Variants in PHF1 observed in about 807,000 individuals in gnomAD.
PHF1 encodes PHD finger protein 1, also known as polycomb-like 1.
A neutral mutation model predicts 69.4 loss-of-function variants in PHF1; 16 were observed. The ratio of observed to expected loss-of-function variants is 0.23; its 90% CI spans 0.16 to 0.35. The LOEUF (loss-of-function observed/expected upper bound fraction) is 0.35, where lower values mean the gene tolerates loss of function less well. Ranked by LOEUF, PHF1 falls within the 10% of genes least tolerant of loss-of-function variation. The pLI is 1.00. For missense variants in PHF1, 515 were observed against 732.8 expected (o/e 0.70, Z 3.43); for synonymous variants, 274 against 275.0 (o/e 1.00, Z 0.04).
chr6:33,412,330 C>T lies in PHF1; in HGVS notation c.67C>T (p.Pro23Ser). The change falls in exon 2 of 15, where the codon CCC (proline) becomes TCC (serine). Residue 23 changes from proline (P) to serine (S), a missense_variant. Physicochemically the swap from Pro to Ser is moderately conservative, Grantham distance 74 (BLOSUM62 -1). Around this residue, in one of 5 missense-constraint regions of PHF1, gnomAD observed 52 missense variants for 48.2 expected, o/e 1.08. Transcript: ENST00000374516. The surrounding 1 kb of genome is among the most constrained non-coding windows in gnomAD (Gnocchi z 4.2). ...ACTTTGGGACCCAGCTTCTCCTGCT[C>T]CCACCTCTGGCCCCAGGCCTCGGCT... is the stretch of plus-strand genomic sequence containing the variant. Reference protein sequence around the residue: ...SSLWDPASPAPTSGPRPRLWE... With the variant: ...SSLWDPASPASTSGPRPRLWE... The T allele has an allele frequency of 6.2e-7, 1 of 1,614,224 alleles. No individual in the cohort carries two copies. Among genetic ancestry groups the T allele is most frequent in the Non-Finnish European group, 8.5e-7 (1 of 1,180,020 alleles).
chr6:33,413,853 T>TA (rs1776250985), intron 7 of PHF1, 22 bp downstream of exon 7: 6 of 1,603,098 alleles, frequency 3.7e-6, no homozygotes, highest in Non-Finnish European at 4.3e-6. Flanking sequence ...GCAGACTCTC[T>TA]AGGAGCCAAG....
At position 33,412,017 on chromosome 6, in the gene PHF1, C is replaced by G. The variant is rs971417387; in HGVS notation, c.-16-231C>G. Among the ~76,000 whole-genome samples the G allele has an allele frequency of 3.9e-5, 6 of 152,110 alleles. No individual in the cohort carries two copies. The highest frequency in any genetic ancestry group is 8.8e-5 in the Non-Finnish European group (6 of 68,012). ...TCTCTACTAAAAATACAAAAATTAG[C>G]CAGGCATGGTGGCATGCGCCTGTAA... On this transcript the variant is annotated intron_variant, in intron 1 of 14. Coordinates refer to ENST00000374516, the MANE Select transcript of PHF1 (RefSeq NM_024165.3). This position sits in a 1 kb window ranked among gnomAD's most constrained non-coding sequence, Gnocchi z 4.2.
At chr6:33,413,984 A>G in intron 7 of PHF1, 57 bp from the exon 8 acceptor site, 1 of 1,606,110 alleles carries the variant, frequency 6.2e-7, no homozygotes, top group African/African-American at 1.3e-5. Flanking sequence ...TGAGTCTTCC[A>G]GGGGATGGCA....
At position 33,414,445 on chromosome 6, in the gene PHF1, C is replaced by T. The variant is rs1776288042; in HGVS notation, c.877-32C>T. On this transcript the variant is annotated intron_variant, in intron 9 of 14. Transcript: ENST00000374516. This position sits in a 1 kb window ranked among gnomAD's most constrained non-coding sequence, Gnocchi z 5.0. ...AAGGGGAAGAGAAGAAATCACTGCTCCCCTGGCCCCATTTTTCTTCATTTC... is the reference window on the plus strand; with the variant it reads ...AAGGGGAAGAGAAGAAATCACTGCTTCCCTGGCCCCATTTTTCTTCATTTC... 1 of 1,613,604 alleles carries T rather than the reference C, an allele frequency of 6.2e-7. No homozygotes were observed. Among genetic ancestry groups the T allele is most frequent in the East Asian group, 2.2e-5 (1 of 44,864 alleles).
At position 33,412,910 on chromosome 6, in the gene PHF1, A is replaced by T; in HGVS notation, c.337+117A>T. The T allele has an allele frequency of 1.1e-6, 1 of 872,870 alleles. No homozygotes were observed. The highest frequency in any genetic ancestry group is 2.5e-5 in the East Asian group (1 of 39,854). 54.1% of individuals were successfully genotyped at this position (872,870 alleles called of 1,614,324 possible). ...TGCTCTGGCCAGGCTGCTTAGCCTT[A>T]TCTTAGTCCTCATCCGCTTTCAGCC... On this transcript the variant is annotated intron_variant, in intron 4 of 14. Coordinates refer to ENST00000374516, the MANE Select transcript of PHF1 (RefSeq NM_024165.3). The surrounding 1 kb of genome is among the most constrained non-coding windows in gnomAD (Gnocchi z 4.2).
chr6:33,412,450 C>T lies in PHF1; in HGVS notation c.159+28C>T. The T allele has an allele frequency of 6.2e-7, 1 of 1,614,176 alleles. No homozygotes were observed. Among genetic ancestry groups the T allele is most frequent in the Non-Finnish European group, 8.5e-7 (1 of 1,179,990 alleles). Reference sequence around the variant, plus strand: ...AAGACCTTCTACCTCTGACCTTCTTCCTAGTTCCCTTATCTAATTCTGGTT... The same window carrying T: ...AAGACCTTCTACCTCTGACCTTCTTTCTAGTTCCCTTATCTAATTCTGGTT... On this transcript the variant is annotated intron_variant, in intron 2 of 14. Transcript: ENST00000374516. This position sits in a 1 kb window ranked among gnomAD's most constrained non-coding sequence, Gnocchi z 4.2.
chr6:33,410,508 G>C (rs1775928173), upstream of PHF1: 1 of 92,634 alleles, frequency 1.1e-5, no homozygotes, highest in African/African-American at 4.2e-5. Flanking sequence ...CCTCCCAGGT[G>C]CCGCGCGCAG....
rs766728612 is a variant in PHF1, at chr6:33,414,095, A to G, written c.738A>G (p.Arg246=). 4 of 1,614,132 alleles carry G rather than the reference A, an allele frequency of 2.5e-6. No homozygotes were observed. The highest frequency in any genetic ancestry group is 2.5e-6 in the Non-Finnish European group (3 of 1,180,030). Residue 246 remains arginine, a synonymous_variant, in exon 8 of 15, where the codon AGA becomes AGG. Coordinates refer to ENST00000374516, the MANE Select transcript of PHF1 (RefSeq NM_024165.3). The surrounding 1 kb of genome is among the most constrained non-coding windows in gnomAD (Gnocchi z 5.0). ...GCGGGGGCCCTGAGAAAGTCCGGAG[A>G]CTACAGCTTCGCTGGTGAGCTGGAT... ...VCRGGPEKVR[R]LQLRWVDVAH... is the part of the protein sequence containing the mutation.
chr6:33,413,822 A>G lies in PHF1; in HGVS notation c.674A>G (p.Tyr225Cys), dbSNP rs1226961547. 3.7e-6 allele frequency: 6 copies of G among 1,613,306 alleles called. No homozygotes were observed. In the African/African-American group the frequency reaches 6.7e-5, roughly 18 times the overall value. ...CTQCLSKPLL[Y>C]GDRFYEFECC... ...CAGTGTCTGAGCAAGCCCCTCCTCT[A>G]TGGGGACAGGTGAGACCAAGGCAGA... The change falls in exon 7 of 15, where the codon TAT becomes TGT. Residue 225 changes from tyrosine (Y) to cysteine (C), a missense_variant. This residue lies in a region of PHF1 where 142 missense variants were observed against 309.7 expected (regional missense o/e 0.46). Transcript: ENST00000374516.
Position 33,415,003 on chromosome 6 carries a change from G to A in PHF1, c.1098G>A (p.Gly366=). The A allele has an allele frequency of 1.9e-6, 3 of 1,561,454 alleles. No homozygotes were observed. The highest frequency in any genetic ancestry group is 2.6e-6 in the Non-Finnish European group (3 of 1,153,166). The change falls in exon 12 of 15, where the codon GGG becomes GGA. Residue 366 remains glycine (G), a synonymous_variant. Transcript: ENST00000374516. ...GPGGGVSRPL[G]KRRRPEPEPL... ...GGGGAGGGGTCTCACGTCCCCTGGG[G>A]AAGCGCCGGAGGCCGGAGCCAGAGC... is the stretch of plus-strand genomic sequence containing the variant.
At position 33,412,315 on chromosome 6, in the gene PHF1, C is replaced by T. The variant is rs371672794; in HGVS notation, c.52C>T (p.Pro18Ser). The change falls in exon 2 of 15, where the codon CCA becomes TCA. Residue 18 changes from proline to serine, a missense_variant. This residue lies in a region of PHF1 where 52 missense variants were observed against 48.2 expected (regional missense o/e 1.08). Coordinates refer to ENST00000374516, the MANE Select transcript of PHF1 (RefSeq NM_024165.3). This position sits in a 1 kb window ranked among gnomAD's most constrained non-coding sequence, Gnocchi z 4.2. ...CTCTGGTGCCTCCTCACTTTGGGAC[C>T]CAGCTTCTCCTGCTCCCACCTCTGG... ...SRSGASSLWD[P>S]ASPAPTSGPR... The T allele has an allele frequency of 2.5e-6, 4 of 1,614,092 alleles. No homozygotes were observed. The highest frequency in any genetic ancestry group is 3.4e-6 in the Non-Finnish European group (4 of 1,180,036).
rs202209041 is a variant in PHF1 at position 33,412,723 on chromosome 6, C to T, written c.267C>T (p.Leu89=). 5 of 1,614,176 alleles carry T rather than the reference C, an allele frequency of 3.1e-6. No homozygotes were observed. In the South Asian group the frequency reaches 3.3e-5, roughly 11 times the overall value. The change falls in exon 4 of 15, where the codon CTC becomes CTT. Residue 89 remains leucine, a synonymous_variant. Coordinates refer to ENST00000374516, the MANE Select transcript of PHF1 (RefSeq NM_024165.3). This position sits in a 1 kb window ranked among gnomAD's most constrained non-coding sequence, Gnocchi z 4.2. The part of the protein sequence containing the change: ...SPAALPGEEL[L]CCVCRSETVV... ...CTGCCCTCCCTGGAGAGGAACTCCT[C>T]TGTTGTGTCTGTCGCTCTGAGACTG...
rs1776189474 is a variant in PHF1 at position 33,412,958 on chromosome 6, G to C, written c.337+165G>C. On this transcript the variant is annotated intron_variant, in intron 4 of 14. Transcript: ENST00000374516. The surrounding 1 kb of genome is among the most constrained non-coding windows in gnomAD (Gnocchi z 4.2). ...GCCCAGGGAGAAGCAGCCATGGAAA[G>C]GGGTGGTATAACCTTTGCAGGCAGA... The C allele has an allele frequency of 1.4e-6, 1 of 701,418 alleles. No homozygotes were observed. The allele number at this position is 701,418 out of a possible 1,614,324, so 43.4% of individuals were successfully genotyped here.
chr6:33,415,950 G>A lies in PHF1; in HGVS notation c.1556G>A (p.Arg519His), dbSNP rs141510460. 1.1e-5 allele frequency: 18 copies of A among 1,613,942 alleles called. No homozygotes were observed. The highest frequency in any genetic ancestry group is 1.1e-4 in the African/African-American group (8 of 74,890). The part of the protein sequence containing the change: ...RRSAPPSPLC[R>H]SLSPGTGGGV... The stretch of plus-strand genomic sequence containing the variant: ...TCAGCACCCCCTTCTCCCCTGTGCC[G>A]TAGTTTGTCTCCTGGGACTGGGGGA... Residue 519 changes from arginine to histidine, a missense_variant, in exon 15 of 15, where the codon CGT (arginine) becomes CAT (histidine). Physicochemically the swap from Arg to His is conservative, Grantham distance 29. Coordinates refer to ENST00000374516, the MANE Select transcript of PHF1 (RefSeq NM_024165.3).
rs1554301706 is a variant in PHF1, at chr6:33,412,824, C to T, written c.337+31C>T. On this transcript the variant is annotated intron_variant, in intron 4 of 14. Coordinates refer to ENST00000374516, the MANE Select transcript of PHF1 (RefSeq NM_024165.3). This position sits in a 1 kb window ranked among gnomAD's most constrained non-coding sequence, Gnocchi z 4.2. ...AGGGCAGGTCACCTGAATGGTCCAG[C>T]TTGCTCTTCCCTCCAGGATGGTCTC... 1 of 1,568,026 alleles carries T rather than the reference C, an allele frequency of 6.4e-7. No homozygotes were observed. Among genetic ancestry groups the T allele is most frequent in the Non-Finnish European group, 8.8e-7 (1 of 1,138,512 alleles).
At position 33,412,179 on chromosome 6, in the gene PHF1, AAG is replaced by A; in HGVS notation, c.-16-67_-16-66del. ...TCCATCTCAGGAAAAAAAAAAAAAA[AAG>A]AAAAAGAAAATGGGGAAGGTTTCTC... is the stretch of plus-strand genomic sequence containing the variant. On this transcript the variant is annotated intron_variant, in intron 1 of 14. Coordinates refer to ENST00000374516, the MANE Select transcript of PHF1 (RefSeq NM_024165.3). The surrounding 1 kb of genome is among the most constrained non-coding windows in gnomAD (Gnocchi z 4.2). 9.2e-6 allele frequency: 11 copies of A among 1,191,970 alleles called. No homozygotes were observed. Among genetic ancestry groups the A allele is most frequent in the South Asian group, 2.9e-5 (2 of 69,340 alleles). 73.8% of individuals were successfully genotyped at this position (1,191,970 alleles called of 1,614,324 possible).
upstream of PHF1, chr6:33,410,488 G>A (rs970903147): frequency 1.5e-5 from 2 of 130,312 alleles, no homozygotes; most frequent in African/African-American, 5.8e-5. Context: ...CGGTGAAGGA[G>A]GGGCTCAGTC....
chr6:33,412,126 C>A lies in PHF1; in HGVS notation c.-16-122C>A. ...GCAGTGAGCCAAGATTGTGCCACTG[C>A]ACTCTGGCCTGGGCGACAGAGCAAA... On this transcript the variant is annotated intron_variant, in intron 1 of 14. Coordinates refer to ENST00000374516, the MANE Select transcript of PHF1 (RefSeq NM_024165.3). This position sits in a 1 kb window ranked among gnomAD's most constrained non-coding sequence, Gnocchi z 4.2. 1.4e-6 allele frequency: 1 copy of A among 728,408 alleles called. No homozygotes were observed. The highest frequency in any genetic ancestry group is 2.2e-6 in the Non-Finnish European group (1 of 448,614). 45.1% of individuals were successfully genotyped at this position (728,408 alleles called of 1,614,324 possible). A position where few individuals can be genotyped will look rare whatever the true frequency, so the allele number is the denominator to read the frequency against.
At chr6:33,411,972 C>T (rs1278855574) in intron 1 of PHF1, among the ~76,000 whole-genome samples, 1 of 152,144 alleles carries the variant, frequency 6.6e-6, no homozygotes, top group Non-Finnish European at 1.5e-5. Flanking sequence ...ACCAGTTTGG[C>T]CAACATGGCC....
Sources: allele counts gnomAD v4.1 joint callset (sites outside exome capture counted in the v4.1 genomes callset), GRCh38; gene constraint gnomAD v4.1.1; regional missense constraint gnomAD v4.1.1; non-coding constraint Gnocchi (gnomAD v3.1); transcripts MANE v1.5; gene names NCBI Gene and HGNC (gene_info 2026-07-23, HGNC 2026-07-21).